The following AKAP1 variants were observed in gnomAD, a reference collection of about 807,000 sequenced individuals.
AKAP1 encodes A-kinase anchoring protein 1.
AKAP1 carries 32 observed loss-of-function variants against 79.8 expected under a neutral mutation model. The observed-to-expected ratio is 0.40, with a 90% confidence interval of 0.30 to 0.54. The LOEUF (loss-of-function observed/expected upper bound fraction) is 0.54. AKAP1 is among the 20% of genes least tolerant of loss of function. The pLI is 0.47. For missense variants in AKAP1, 961 were observed against 1,138.9 expected, an observed-to-expected ratio of 0.84 and a Z score of 2.25; for synonymous variants, 416 against 466.7, an observed-to-expected ratio of 0.89 and a Z score of 1.40.
At chr17:57,116,833 A>G (rs1406841204) in intron 7 of AKAP1, 27 bp from the exon 8 acceptor site, 1 of 1,610,246 alleles carries the variant, frequency 6.2e-7, no homozygotes, top group South Asian at 1.1e-5. Flanking sequence ...TGTCCACATT[A>G]AACTTGTTCC....
At chr17:57,087,338 C>G (rs1913522505) in intron 1 of AKAP1, among the ~76,000 whole-genome samples, 2 of 152,200 alleles carry the variant, frequency 1.3e-5, no homozygotes. Context: ...TGCATTCTCA[C>G]TTGGCCACTG....
At chr17:57,118,718 C>T (rs1915740142) in intron 9 of AKAP1, among the ~76,000 whole-genome samples, 1 of 152,074 alleles carries the variant, frequency 6.6e-6, no homozygotes, top group African/African-American at 2.4e-5. Context: ...ACAATCATGG[C>T]AGAAAGGGAA....
intron 1 of AKAP1, among the ~76,000 whole-genome samples, chr17:57,099,666 C>T (rs1299808434): frequency 6.6e-6 from 1 of 152,172 alleles, no homozygotes; most frequent in East Asian, 1.9e-4. Flanking sequence ...CTTAGAGCCT[C>T]AGTCTCTGGG....
intron 1 of AKAP1, chr17:57,092,263 C>CT (rs1198524893): frequency 6.6e-6 from 1 of 152,246 alleles, no homozygotes; most frequent in Non-Finnish European, 1.5e-5. Context: ...TCAGTTCCTC[C>CT]TTCCCTCTAA....
intron 2 of AKAP1, 94 bp from the exon 3 acceptor site, chr17:57,109,931 G>A (rs1158326834): frequency 1.3e-6 from 2 of 1,527,836 alleles, no homozygotes; most frequent in Non-Finnish European, 1.8e-6. Flanking sequence ...GTGGGGCAGG[G>A]CCTCCTGGGA....
chr17:57,090,816 C>T (rs765954641), intron 1 of AKAP1, among the ~76,000 whole-genome samples: 12 of 152,210 alleles, frequency 7.9e-5, no homozygotes, highest in Non-Finnish European at 2.9e-5. Flanking sequence ...AAAGCTGTGC[C>T]TGAGGGCTCA....
Position 57,120,729 on chromosome 17 carries a change from T to C in AKAP1, c.*405T>C, listed in dbSNP as rs1408435610. 1 of 162,382 alleles carries C rather than the reference T, an allele frequency of 6.2e-6. No individual in the cohort carries two copies. Among genetic ancestry groups the C allele is most frequent in the South Asian group, 1.8e-4 (1 of 5,422 alleles). The allele number at this position is 162,382 out of a possible 1,614,324, so 10.1% of individuals were successfully genotyped here. A position where few individuals can be genotyped will look rare whatever the true frequency, so the allele number is the denominator to read the frequency against. On this transcript the variant is annotated 3_prime_UTR_variant, in exon 11 of 11. Coordinates refer to ENST00000337714, the MANE Select transcript of AKAP1 (RefSeq NM_003488.4). ...ATGTTGCTTGCTTGAGAGGGTTTCTTTTACTTCAAAATCTTTCTTCAGGGA... is the reference window on the plus strand; with the variant it reads ...ATGTTGCTTGCTTGAGAGGGTTTCTCTTACTTCAAAATCTTTCTTCAGGGA...
chr17:57,102,877 G>A (rs1283525958), intron 1 of AKAP1, among the ~76,000 whole-genome samples: 3 of 151,516 alleles, frequency 2.0e-5, no homozygotes, highest in Admixed American at 6.6e-5. Context: ...CTGAGGTCTC[G>A]AGTTCCAGTC....
chr17:57,098,751 GGC>G (rs1914282996), intron 1 of AKAP1, among the ~76,000 whole-genome samples: 1 of 149,500 alleles, frequency 6.7e-6, no homozygotes, highest in African/African-American at 2.5e-5. Context: ...GGGAGTGAGG[GGC>G]TAGCTGATTT....
At chr17:57,100,980 G>T (rs1914472127) in intron 1 of AKAP1, among the ~76,000 whole-genome samples, 1 of 152,080 alleles carries the variant, frequency 6.6e-6, no homozygotes, top group African/African-American at 2.4e-5. Context: ...GGTGAGCCAA[G>T]ATCACACCAT....
intron 1 of AKAP1, among the ~76,000 whole-genome samples, chr17:57,105,224 A>G (rs748002796): frequency 4.6e-5 from 7 of 152,190 alleles, no homozygotes; most frequent in Non-Finnish European, 8.8e-5. Context: ...GTTGGGGAGC[A>G]TGGAGGGGAA....
intron 2 of AKAP1, 92 bp from the exon 3 acceptor site, chr17:57,109,933 C>CGTA: frequency 6.5e-7 from 1 of 1,538,796 alleles, no homozygotes; most frequent in Admixed American, 1.8e-5. Context: ...GGGGCAGGGC[C>CGTA]TCCTGGGAAT....
Position 57,106,427 on chromosome 17 carries a change from G to C in AKAP1, c.963G>C (p.Glu321Asp). 1 of 1,482,280 alleles carries C rather than the reference G, an allele frequency of 6.7e-7. No individual in the cohort carries two copies. Among genetic ancestry groups the C allele is most frequent in the Non-Finnish European group, 9.4e-7 (1 of 1,063,260 alleles). 91.8% of individuals were successfully genotyped at this position (1,482,280 alleles called of 1,614,324 possible). ...ATGAGGAGGGCTTGGATAGAAATGA[G>C]GAGGGCTTGGATAGAAATGAGGAGA... is the stretch of plus-strand genomic sequence containing the variant. ...DRNEEGLDRN[E>D]EGLDRNEESL... Residue 321 changes from glutamate (E) to aspartate (D), a missense_variant, in exon 2 of 11, where the codon GAG becomes GAC. Physicochemically the swap from Glu to Asp is conservative, Grantham distance 45 (BLOSUM62 2). This residue lies in a region of AKAP1 where 629 missense variants were observed against 781.1 expected (regional missense o/e 0.81). Coordinates refer to ENST00000337714, the MANE Select transcript of AKAP1 (RefSeq NM_003488.4).
At chr17:57,116,775 C>T (rs1003625107) in intron 7 of AKAP1, 85 bp from the exon 8 acceptor site, 18 of 1,285,324 alleles carry the variant, frequency 1.4e-5, no homozygotes, top group Non-Finnish European at 1.9e-5. Context: ...AGGTTATGGG[C>T]GTCACTGTAC....
chr17:57,093,331 T>G (rs945815006), intron 1 of AKAP1: 2 of 152,266 alleles, frequency 1.3e-5, no homozygotes, highest in African/African-American at 4.8e-5. Context: ...CTGAGGGATC[T>G]CTTTGCCTTA....
intron 1 of AKAP1, chr17:57,101,632 C>T (rs993588234): frequency 9.9e-5 from 15 of 152,120 alleles, no homozygotes; most frequent in African/African-American, 3.6e-4. Context: ...TAAAAGCTTA[C>T]CAGATGATGC....
rs751229647 is a variant in AKAP1, at chr17:57,086,160, G to C, written c.-25+762G>C. On this transcript the variant is annotated intron_variant, in intron 1 of 10. Transcript: ENST00000337714. This position sits in a 1 kb window ranked among gnomAD's most constrained non-coding sequence, Gnocchi z 5.1. ...GGAGGGGTGGAGGCCGTCCAGCCTGGGGTGTCTGCCGACCTCACGCCCGGG... is the reference window on the plus strand; with the variant it reads ...GGAGGGGTGGAGGCCGTCCAGCCTGCGGTGTCTGCCGACCTCACGCCCGGG... The C allele has an allele frequency of 3.1e-5, 10 of 324,046 alleles. No individual in the cohort carries two copies. Among genetic ancestry groups the C allele is most frequent in the South Asian group, 1.8e-4 (8 of 45,532 alleles). The allele number at this position is 324,046 out of a possible 1,614,324, so 20.1% of individuals were successfully genotyped here.
chr17:57,110,776 A>G (rs2144744619), intron 3 of AKAP1, among the ~76,000 whole-genome samples: 1 of 152,332 alleles, frequency 6.6e-6, no homozygotes, highest in African/African-American at 2.4e-5. Context: ...TGTAACTGTA[A>G]CTGCATTATT....
chr17:57,086,358 C>CT lies in AKAP1; in HGVS notation c.-25+961dup. 1 of 449,032 alleles carries CT rather than the reference C, an allele frequency of 2.2e-6. No individual in the cohort carries two copies. The highest frequency in any genetic ancestry group is 4.5e-6 in the Non-Finnish European group (1 of 224,412). 27.8% of individuals were successfully genotyped at this position (449,032 alleles called of 1,614,324 possible). A position where few individuals can be genotyped will look rare whatever the true frequency, so the allele number is the denominator to read the frequency against. On this transcript the variant is annotated intron_variant, in intron 1 of 10. Coordinates refer to ENST00000337714, the MANE Select transcript of AKAP1 (RefSeq NM_003488.4). This position sits in a 1 kb window ranked among gnomAD's most constrained non-coding sequence, Gnocchi z 5.1. ...TTTTGTGCCCTAGCTGAAGGTCTTC[C>CT]TGTTTCCCTTCCAGGGAGGGATAGG...
Sources: allele counts gnomAD v4.1 joint callset (sites outside exome capture counted in the v4.1 genomes callset), GRCh38; gene constraint gnomAD v4.1.1; regional missense constraint gnomAD v4.1.1; non-coding constraint Gnocchi (gnomAD v3.1); transcripts MANE v1.5; gene names NCBI Gene and HGNC (gene_info 2026-07-23, HGNC 2026-07-21).